Variants in DACH1 observed in about 807,000 individuals in gnomAD.
DACH1 encodes dachshund homolog 1.
DACH1 carries 12 observed loss-of-function variants against 54.2 expected under a neutral mutation model. The ratio of observed to expected loss-of-function variants is 0.22; its 90% CI spans 0.14 to 0.36. The LOEUF (loss-of-function observed/expected upper bound fraction) is 0.36. Among genes scored for constraint, DACH1 ranks in the 10% least tolerant of loss-of-function variants. DACH1 has a pLI of 1.00. For missense variants in DACH1, 805 were observed against 929.8 expected, an observed-to-expected ratio of 0.87 and a Z score of 1.75; for synonymous variants, 386 against 366.2, an observed-to-expected ratio of 1.05 and a Z score of -0.62.
intron 4 of DACH1, among the ~76,000 whole-genome samples, chr13:71,564,146 A>T (rs1377825856): frequency 6.6e-6 from 1 of 152,042 alleles, no homozygotes; most frequent in African/African-American, 2.4e-5. Context: ...ACAATAAAGA[A>T]TTGCTTAGGA....
chr13:71,574,104 T>C (rs1885391583), intron 3 of DACH1, among the ~76,000 whole-genome samples: 1 of 152,188 alleles, frequency 6.6e-6, no homozygotes, highest in Non-Finnish European at 1.5e-5. Flanking sequence ...CATGCATGTG[T>C]GTGTGAATAA....
At chr13:71,741,152 CATATCATCTTCCCA>C (rs1884363201) in intron 1 of DACH1, among the ~76,000 whole-genome samples, 1 of 152,172 alleles carries the variant, frequency 6.6e-6, no homozygotes, top group African/African-American at 2.4e-5. Flanking sequence ...TTGCTATGTA[CATATCATCTTCCCA>C]CCCAAGTTCA....
chr13:71,648,536 A>T (rs1168864994), intron 2 of DACH1, among the ~76,000 whole-genome samples: 1 of 152,194 alleles, frequency 6.6e-6, no homozygotes, highest in Non-Finnish European at 1.5e-5. Context: ...CAGGAAAAAA[A>T]TAATTAATTA....
At chr13:71,574,552 C>T (rs1002997953) in intron 3 of DACH1, among the ~76,000 whole-genome samples, 1 of 152,020 alleles carries the variant, frequency 6.6e-6, no homozygotes, top group African/African-American at 2.4e-5. Context: ...TACTTAGTTA[C>T]TGCCATGATT....
Position 71,595,718 on chromosome 13 carries a change from G to A in DACH1, c.1127-22706C>T, listed in dbSNP as rs1874047720. ...ATGGTGCCAATATGTCAGGTTCTAA[G>A]AGGAAACTCTTCTGAGTTGCCGACT... On this transcript the variant is annotated intron_variant, in intron 3 of 10. Transcript: ENST00000613252. Among the ~76,000 whole-genome samples, 3 of 152,108 alleles carry A rather than the reference G, an allele frequency of 2.0e-5. No homozygotes were observed. The South Asian group carries it at 6.2e-4, about 31-fold the overall frequency.
intron 6 of DACH1, among the ~76,000 whole-genome samples, chr13:71,556,132 A>T (rs1052423941): frequency 6.6e-6 from 1 of 152,048 alleles, no homozygotes; most frequent in Non-Finnish European, 1.5e-5. Flanking sequence ...CCCTCCACGC[A>T]TTTATTCCTG....
intron 1 of DACH1, among the ~76,000 whole-genome samples, chr13:71,738,560 C>A (rs1884239931): frequency 2.0e-5 from 3 of 150,874 alleles, no homozygotes; most frequent in Admixed American, 6.6e-5. Context: ...TGGTGAAACC[C>A]CATCTCTACT....
At chr13:71,770,011 A>ATTGTT (rs202058457) in intron 1 of DACH1, among the ~76,000 whole-genome samples, 2,683 of 151,866 alleles carry the variant, frequency 0.018, 41 homozygotes, top group Non-Finnish European at 0.029. Flanking sequence ...TATAACTTAC[A>ATTGTT]AATGTCCTTC....
At chr13:71,527,607 C>T (rs377732962) in intron 6 of DACH1, among the ~76,000 whole-genome samples, 1 of 152,292 alleles carries the variant, frequency 6.6e-6, no homozygotes, top group African/African-American at 2.4e-5. Context: ...GAAACAATTA[C>T]AATGAGAGGG....
At chr13:71,479,881 T>C (rs996105595) in intron 7 of DACH1, among the ~76,000 whole-genome samples, 1 of 152,130 alleles carries the variant, frequency 6.6e-6, no homozygotes, top group African/African-American at 2.4e-5. Context: ...CCTCCAGATC[T>C]TTGCATGGCT....
Position 71,867,066 on chromosome 13 carries a change from G to C in DACH1, c.-297C>G. On this transcript the variant is annotated 5_prime_UTR_variant, in exon 1 of 11. Transcript: ENST00000613252. ...GGGATCGAGGGCTGGTTTGGGGGTGGGGGTGGGGCGGGGAGGGTCGGCTGT... is the reference window on the plus strand; with the variant it reads ...GGGATCGAGGGCTGGTTTGGGGGTGCGGGTGGGGCGGGGAGGGTCGGCTGT... The C allele has an allele frequency of 4.4e-6, 1 of 226,532 alleles. No individual in the cohort carries two copies. Among genetic ancestry groups the C allele is most frequent in the Non-Finnish European group, 8.5e-6 (1 of 117,266 alleles). 14.0% of individuals were successfully genotyped at this position (226,532 alleles called of 1,614,324 possible).
At chr13:71,552,826 TATATATATATATATATAG>T (rs1384969996) in intron 6 of DACH1, among the ~76,000 whole-genome samples, 88 of 48,552 alleles carry the variant, frequency 1.8e-3, no homozygotes, top group African/African-American at 4.9e-3. Context: ...TATATATATA[TATATATATATATATATAG>T]AGAGAGAGAG....
intron 1 of DACH1, among the ~76,000 whole-genome samples, chr13:71,692,152 A>C (rs1881513827): frequency 6.6e-6 from 1 of 152,144 alleles, no homozygotes; most frequent in Non-Finnish European, 1.5e-5. Context: ...AAAACACTTC[A>C]TAAAGTATTA....
At chr13:71,526,737 T>G (rs1881992390) in intron 6 of DACH1, among the ~76,000 whole-genome samples, 1 of 150,858 alleles carries the variant, frequency 6.6e-6, no homozygotes, top group Non-Finnish European at 1.5e-5. Context: ...GGTATATATA[T>G]GTATGTATAA....
chr13:71,619,998 T>C (rs1876101709), intron 3 of DACH1, among the ~76,000 whole-genome samples: 1 of 152,046 alleles, frequency 6.6e-6, no homozygotes, highest in South Asian at 2.1e-4. Context: ...CCTGTGTGTG[T>C]TTTTAAAACT....
At chr13:71,836,666 A>G (rs1040988553) in intron 1 of DACH1, among the ~76,000 whole-genome samples, 3 of 152,108 alleles carry the variant, frequency 2.0e-5, no homozygotes, top group African/African-American at 7.2e-5. Flanking sequence ...GCTCTGTTAA[A>G]ATGCCTTTGA....
At chr13:71,573,350 A>G in intron 3 of DACH1, 1 of 698,456 alleles carries the variant, frequency 1.4e-6, no homozygotes, top group Non-Finnish European at 2.6e-6. Context: ...ATTATGTCCT[A>G]TTTTGCCAAC....
intron 1 of DACH1, among the ~76,000 whole-genome samples, chr13:71,706,622 T>C (rs1181292466): frequency 6.6e-6 from 1 of 152,162 alleles, no homozygotes; most frequent in Non-Finnish European, 1.5e-5. Context: ...TTCTTGATAA[T>C]TTCACTCACC....
chr13:71,604,871 A>AATTT (rs1874763635), intron 3 of DACH1, among the ~76,000 whole-genome samples: 2 of 151,916 alleles, frequency 1.3e-5, no homozygotes, highest in African/African-American at 4.8e-5. Context: ...AATTTAATCA[A>AATTT]AATAGCAAAC....
Sources: gnomAD v4.1 joint callset for allele counts (sites outside exome capture counted in the v4.1 genomes callset) on GRCh38, gnomAD v4.1.1 for gene constraint, MANE v1.5 for transcripts, NCBI Gene and HGNC (gene_info 2026-07-23, HGNC 2026-07-21) for gene names.